The following RBM45 variants were observed in gnomAD, a reference collection of about 807,000 sequenced individuals.
RBM45 encodes the protein RNA-binding protein 45.
A neutral mutation model predicts 58.5 loss-of-function variants in RBM45; 39 were observed. The observed-to-expected ratio is 0.67, with a 90% CI of 0.52 to 0.87. The LOEUF (loss-of-function observed/expected upper bound fraction) is 0.87. RBM45 is among the 40% of genes least tolerant of loss of function. The pLI, the probability that RBM45 is intolerant of heterozygous loss-of-function variation, is 0.00. For missense variants in RBM45, 481 were observed against 581.6 expected (o/e 0.83, Z 1.78); for synonymous variants, 193 against 203.0 (o/e 0.95, Z 0.42).
At chr2:178,123,994 A>T in intron 7 of RBM45, 82 bp downstream of exon 7, 4 of 1,500,978 alleles carry the variant, frequency 2.7e-6, no homozygotes, top group Non-Finnish European at 3.7e-6. Flanking sequence ...TTTGTTGATT[A>T]TCTGTGTATG....
chr2:178,124,806 C>A (rs2087905405), intron 8 of RBM45, among the ~76,000 whole-genome samples: 1 of 151,904 alleles, frequency 6.6e-6, no homozygotes, highest in Non-Finnish European at 1.5e-5. Context: ...AGAGTGAGAC[C>A]CTTTTTGTTT....
chr2:178,112,525 T>A lies in RBM45; in HGVS notation c.-22T>A. 1 of 1,603,212 alleles carries A rather than the reference T, an allele frequency of 6.2e-7. No homozygotes were observed. The highest frequency in any genetic ancestry group is 8.5e-7 in the Non-Finnish European group (1 of 1,173,528). Reference sequence around the variant, plus strand: ...CCGCAGAAGCAAAGAGCAGTGAGGCTCCTGCATTCGGGTGGAGCACCATGG... The same window carrying A: ...CCGCAGAAGCAAAGAGCAGTGAGGCACCTGCATTCGGGTGGAGCACCATGG... On this transcript the variant is annotated 5_prime_UTR_variant, in exon 1 of 10. Coordinates refer to ENST00000286070, the MANE Select transcript of RBM45 (RefSeq NM_152945.4).
chr2:178,121,503 G>A (rs1260987692), intron 5 of RBM45, 144 bp downstream of exon 5: 1 of 401,108 alleles, frequency 2.5e-6, no homozygotes, highest in Non-Finnish European at 4.3e-6. Flanking sequence ...CTGCTCATGT[G>A]ACAGGAATTT....
At chr2:178,116,431 A>G (rs1187192793) in intron 2 of RBM45, 47 bp downstream of exon 2, 2 of 1,525,936 alleles carry the variant, frequency 1.3e-6, no homozygotes, top group Non-Finnish European at 1.8e-6. Context: ...ATAGTCCTGC[A>G]TAGGTTGTAT....
chr2:178,116,911 A>G (rs1334884394), intron 2 of RBM45, among the ~76,000 whole-genome samples: 1 of 152,138 alleles, frequency 6.6e-6, no homozygotes, highest in Non-Finnish European at 1.5e-5. Flanking sequence ...TTCTTTGAAG[A>G]GTTTTTGTCC....
downstream of RBM45, among the ~76,000 whole-genome samples, chr2:178,130,273 C>T (rs1559083085): frequency 6.6e-6 from 1 of 152,108 alleles, no homozygotes; most frequent in African/African-American, 2.4e-5. Context: ...ATAATCCTGG[C>T]ACTTTAGGAG....
chr2:178,118,010 A>G, intron 2 of RBM45, 45 bp from the exon 3 acceptor site: 1 of 1,480,832 alleles, frequency 6.8e-7, no homozygotes, highest in Non-Finnish European at 9.0e-7. Flanking sequence ...TACTCTGTTC[A>G]ATTAATTTTA....
rs571188358 is a variant in RBM45 at position 178,129,006 on chromosome 2, T to G, written c.*9-391T>G. ...CTCATGAAGGCTGGTTTCTTTTATCTCTGAGGTATGGGCCTGGGATTAAGT... is the reference window on the plus strand; with the variant it reads ...CTCATGAAGGCTGGTTTCTTTTATCGCTGAGGTATGGGCCTGGGATTAAGT... On this transcript the variant is annotated intron_variant, in intron 9 of 9. Transcript: ENST00000286070. Among the ~76,000 whole-genome samples the G allele has an allele frequency of 3.7e-3, 563 of 152,316 alleles. 2 individuals carry two copies. Among genetic ancestry groups the G allele is most frequent in the African/African-American group, 0.013 (546 of 41,558 alleles).
chr2:178,112,852 G>C lies in RBM45; in HGVS notation c.300+6G>C. ...ACGACACCAAGCCCATCAAGGTGCGGGTGCCCGGGTCGGGGTGCCCTCGGG... is the reference window on the plus strand; with the variant it reads ...ACGACACCAAGCCCATCAAGGTGCGCGTGCCCGGGTCGGGGTGCCCTCGGG... On this transcript the variant is annotated splice_donor_region_variant and intron_variant, in intron 1 of 9. Transcript: ENST00000286070. 1 of 1,599,852 alleles carries C rather than the reference G, an allele frequency of 6.3e-7. No homozygotes were observed. The highest frequency in any genetic ancestry group is 1.3e-5 in the African/African-American group (1 of 74,808).
chr2:178,122,455 A>G (rs1021221166), intron 5 of RBM45, among the ~76,000 whole-genome samples: 2 of 152,162 alleles, frequency 1.3e-5, no homozygotes, highest in Non-Finnish European at 2.9e-5. Flanking sequence ...ACCCAGCACT[A>G]GTCTTTTTGT....
Position 178,118,050 on chromosome 2 carries a change from C to T in RBM45, c.424-5C>T, listed in dbSNP as rs376930740. On this transcript the variant is annotated splice_polypyrimidine_tract_variant and splice_region_variant and intron_variant, in intron 2 of 9. Coordinates refer to ENST00000286070, the MANE Select transcript of RBM45 (RefSeq NM_152945.4). The stretch of plus-strand genomic sequence containing the variant: ...CCCTAAAATCATGTCTTTTAACTCT[C>T]TTAGGTGTATGGAGATATCGAGTAT... 36 of 1,597,060 alleles carry T rather than the reference C, an allele frequency of 2.3e-5. No homozygotes were observed. The highest frequency in any genetic ancestry group is 2.9e-5 in the Non-Finnish European group (34 of 1,171,402).
At position 178,112,483 on chromosome 2, in the gene RBM45, A is replaced by C. The variant is rs1285889565; in HGVS notation, c.-64A>C. On this transcript the variant is annotated 5_prime_UTR_variant, in exon 1 of 10. Transcript: ENST00000286070. ...GCCGGCAAAGGCTTGGGTGTGAGAC[A>C]GCAGCGGTGGCAGACACCGCAGAAG... 4.3e-5 allele frequency: 62 copies of C among 1,439,232 alleles called. No homozygotes were observed. Among genetic ancestry groups the C allele is most frequent in the South Asian group, 1.4e-4 (11 of 79,760 alleles). The allele number at this position is 1,439,232 out of a possible 1,614,324, so 89.2% of individuals were successfully genotyped here.
chr2:178,137,754 A>G (rs1307083937), exon 4 of RBM45: 3 of 152,114 alleles, frequency 2.0e-5, no homozygotes, highest in Non-Finnish European at 2.9e-5. Context: ...TTTGAGCTGT[A>G]CTCTATGGAG....
intron 1 of RBM45, among the ~76,000 whole-genome samples, chr2:178,116,012 TGTG>T (rs2087769464): frequency 6.6e-6 from 1 of 151,806 alleles, no homozygotes; most frequent in South Asian, 2.1e-4. Flanking sequence ...ATTAGCTGGG[TGTG>T]GTGGTGTGTG....
At chr2:178,120,263 T>C (rs753381587) in intron 3 of RBM45, 24 bp from the exon 4 acceptor site, 1 of 1,611,474 alleles carries the variant, frequency 6.2e-7, no homozygotes, top group South Asian at 1.1e-5. Context: ...GCTGTGAAAC[T>C]TGAAATTCAT....
At chr2:178,138,889 A>G (rs2088065829) in exon 4 of RBM45, 1 of 152,090 alleles carries the variant, frequency 6.6e-6, no homozygotes, top group Non-Finnish European at 1.5e-5. Flanking sequence ...GGTGAGGGGT[A>G]AAATCCTTCT....
intron 5 of RBM45, among the ~76,000 whole-genome samples, chr2:178,121,611 G>A (rs1442091614): frequency 2.6e-5 from 4 of 151,976 alleles, no homozygotes; most frequent in Admixed American, 2.6e-4. Context: ...ATTGTTCACT[G>A]TAAAATATAT....
At chr2:178,137,657 C>G (rs1260544915) in exon 4 of RBM45, 1 of 152,148 alleles carries the variant, frequency 6.6e-6, no homozygotes, top group Non-Finnish European at 1.5e-5. Flanking sequence ...TATCTTTGAG[C>G]AGAATGGAAT....
chr2:178,136,889 C>A (rs1311272242), exon 4 of RBM45: 2 of 152,142 alleles, frequency 1.3e-5, no homozygotes, highest in East Asian at 3.9e-4. Flanking sequence ...TCTGACAGTT[C>A]TCTGCAATTG....
Sources: gnomAD v4.1 joint callset for allele counts (sites outside exome capture counted in the v4.1 genomes callset) on GRCh38, gnomAD v4.1.1 for gene constraint, MANE v1.5 for transcripts, NCBI Gene and HGNC (gene_info 2026-07-23, HGNC 2026-07-21) for gene names.